Variants in VPS13B observed in about 807,000 individuals in gnomAD.
VPS13B encodes the protein vacuolar protein sorting 13 homolog B.
Under a neutral mutation model 426.4 loss-of-function variants are expected in VPS13B, and 285 were observed. The ratio of observed to expected loss-of-function variants is 0.67; its 90% CI spans 0.61 to 0.74. The LOEUF is 0.74. Among genes scored for constraint, VPS13B ranks in the 30% least tolerant of loss-of-function variants. The pLI, the probability that VPS13B is intolerant of heterozygous loss-of-function variation, is 0.00. For synonymous variants in VPS13B, 1,676 were observed against 1,676.4 expected (o/e 1.00, Z 0.01); for missense variants, 4,537 against 4,782.6 (o/e 0.95, Z 1.51).
At chr8:99,549,021 G>T (rs1368195023) in intron 30 of VPS13B, among the ~76,000 whole-genome samples, 1 of 151,956 alleles carries the variant, frequency 6.6e-6, no homozygotes, top group Non-Finnish European at 1.5e-5. Flanking sequence ...ATTTTCATTT[G>T]TACTTGGAAA....
At chr8:99,674,004 A>C (rs1054064480) in intron 35 of VPS13B, among the ~76,000 whole-genome samples, 5 of 152,008 alleles carry the variant, frequency 3.3e-5, no homozygotes, top group African/African-American at 1.2e-4. Flanking sequence ...ATTTGTTAAG[A>C]CTTGTGATCT....
chr8:99,550,398 ATT>A (rs891315794), intron 30 of VPS13B, among the ~76,000 whole-genome samples: 1 of 144,586 alleles, frequency 6.9e-6, no homozygotes, highest in African/African-American at 2.5e-5. Flanking sequence ...ACTAGGAGAG[ATT>A]TTTTTTTTTT....
At chr8:99,706,344 G>T (rs1429444748) in intron 36 of VPS13B, among the ~76,000 whole-genome samples, 1 of 152,172 alleles carries the variant, frequency 6.6e-6, no homozygotes, top group South Asian at 2.1e-4. Flanking sequence ...GCCTGTTTAA[G>T]ATCATTACTT....
intron 39 of VPS13B, among the ~76,000 whole-genome samples, chr8:99,745,898 A>T (rs1441786169): frequency 1.3e-5 from 2 of 152,160 alleles, no homozygotes; most frequent in East Asian, 3.9e-4. Flanking sequence ...TTAATATCAT[A>T]TTATACTCTA....
intron 19 of VPS13B, among the ~76,000 whole-genome samples, chr8:99,370,942 T>C (rs1021494203): frequency 2.0e-5 from 3 of 152,112 alleles, no homozygotes; most frequent in African/African-American, 7.2e-5. Context: ...ATTATATCTT[T>C]AGTAAGTAGG....
intron 5 of VPS13B, among the ~76,000 whole-genome samples, chr8:99,107,597 A>G (rs1343012815): frequency 2.0e-5 from 3 of 152,102 alleles, no homozygotes; most frequent in Admixed American, 2.0e-4. Flanking sequence ...GCAGAATCCT[A>G]TCATCTCCCA....
chr8:99,544,263 T>A (rs534878623), intron 30 of VPS13B, among the ~76,000 whole-genome samples: 2 of 151,394 alleles, frequency 1.3e-5, no homozygotes, highest in Non-Finnish European at 2.9e-5. Flanking sequence ...AACTGAACAA[T>A]GAGAACACTT....
chr8:99,672,786 A>G (rs898114054), intron 35 of VPS13B, among the ~76,000 whole-genome samples: 5 of 152,116 alleles, frequency 3.3e-5, no homozygotes, highest in African/African-American at 1.2e-4. Flanking sequence ...AATTTGTCAC[A>G]TATGGCCTTT....
At chr8:99,126,470 G>A (rs1848189105) in intron 8 of VPS13B, among the ~76,000 whole-genome samples, 1 of 152,120 alleles carries the variant, frequency 6.6e-6, no homozygotes, top group Non-Finnish European at 1.5e-5. Context: ...TTAGGGTGAT[G>A]GTGAAAATAA....
chr8:99,720,625 T>C, intron 38 of VPS13B, 73 bp downstream of exon 38: 1 of 1,493,200 alleles, frequency 6.7e-7, no homozygotes. Flanking sequence ...GTTGACTAAA[T>C]AAAAACAATC....
intron 35 of VPS13B, among the ~76,000 whole-genome samples, chr8:99,677,421 T>G (rs1788143): frequency 0.14 from 20,661 of 152,238 alleles, 1,952 homozygotes; most frequent in East Asian, 0.39. Flanking sequence ...TATCATAGTT[T>G]GTTTTCTCTG....
rs188646018 is a variant in VPS13B, at chr8:99,470,462, C to A, written c.3666+2828C>A. On this transcript the variant is annotated intron_variant, in intron 24 of 61. Transcript: ENST00000357162. Reference sequence around the variant, plus strand: ...GAGGAATAAAAAGTATAAAAAGAGTCAAATGGAATTTTAGAACTAAAAAAT... The same window carrying A: ...GAGGAATAAAAAGTATAAAAAGAGTAAAATGGAATTTTAGAACTAAAAAAT... 1.6e-4 allele frequency among the ~76,000 whole-genome samples: 24 copies of A among 151,930 alleles called. No individual in the cohort carries two copies. In the East Asian group the frequency reaches 4.5e-3, roughly 28 times the overall value.
At chr8:99,312,581 TC>T (rs1166945422) in intron 19 of VPS13B, among the ~76,000 whole-genome samples, 3 of 152,216 alleles carry the variant, frequency 2.0e-5, no homozygotes, top group African/African-American at 7.2e-5. Context: ...ACCGGACCTT[TC>T]TCTCTGGCTG....
chr8:99,498,789 G>A (rs530147833), intron 25 of VPS13B, among the ~76,000 whole-genome samples: 30 of 152,182 alleles, frequency 2.0e-4, no homozygotes, highest in Admixed American at 3.9e-4. Flanking sequence ...CTTAAGTACT[G>A]AGCTTAAAAC....
chr8:99,379,511 A>G (rs1813678280), intron 19 of VPS13B, among the ~76,000 whole-genome samples: 1 of 152,112 alleles, frequency 6.6e-6, no homozygotes, highest in Admixed American at 6.6e-5. Context: ...TTGGAGCATT[A>G]TTTATTGACT....
chr8:99,149,228 G>A (rs938176581), intron 14 of VPS13B, among the ~76,000 whole-genome samples: 1 of 152,240 alleles, frequency 6.6e-6, no homozygotes, highest in African/African-American at 2.4e-5. Context: ...GATGTCTGCT[G>A]TAATTGTTGA....
At chr8:99,093,048 C>G (rs1778722022) in intron 3 of VPS13B, among the ~76,000 whole-genome samples, 1 of 151,336 alleles carries the variant, frequency 6.6e-6, no homozygotes, top group Non-Finnish European at 1.5e-5. Flanking sequence ...TTAAATATGT[C>G]AAGCACTTAT....
chr8:99,760,524 C>A lies in VPS13B; in HGVS notation c.7051-6250C>A, dbSNP rs149011282. ...TTAAGTGGTAGGGCCAGGATTTTAT[C>A]CGAAGTGTGACACCAATGACTTTTT... On this transcript the variant is annotated intron_variant, in intron 39 of 61. Coordinates refer to ENST00000357162, the MANE Select transcript of VPS13B (RefSeq NM_152564.5). Among the ~76,000 whole-genome samples the A allele has an allele frequency of 1.3e-3, 195 of 152,006 alleles. No individual in the cohort carries two copies. In the East Asian group the frequency reaches 0.016, roughly 12 times the overall value.
At chr8:99,518,860 A>G (rs1470005936) in intron 29 of VPS13B, among the ~76,000 whole-genome samples, 1 of 152,170 alleles carries the variant, frequency 6.6e-6, no homozygotes, top group Non-Finnish European at 1.5e-5. Flanking sequence ...GGAAATATGG[A>G]TTGTATGCCT....
Sources: allele counts gnomAD v4.1 joint callset (sites outside exome capture counted in the v4.1 genomes callset), GRCh38; gene constraint gnomAD v4.1.1; transcripts MANE v1.5; gene names NCBI Gene and HGNC (gene_info 2026-07-23, HGNC 2026-07-21).